Variants in TAFA1 observed in about 807,000 individuals in gnomAD.
TAFA1 encodes the protein chemokine-like protein TAFA-1.
A neutral mutation model predicts 18.5 loss-of-function variants in TAFA1; 4 were observed. The ratio of observed to expected loss-of-function variants is 0.22; its 90% CI spans 0.11 to 0.49. TAFA1 has a LOEUF of 0.49. TAFA1 is among the 20% of genes least tolerant of loss of function. The probability of loss-of-function intolerance (pLI) is 0.98; values close to 1 mark genes in which losing one functional copy is unlikely to be tolerated. For synonymous variants in TAFA1, 56 were observed against 55.2 expected, an observed-to-expected ratio of 1.01 and a Z score of -0.06; for missense variants, 147 against 169.0, an observed-to-expected ratio of 0.87 and a Z score of 0.72.
chr3:68,413,166 AAT>A (rs2070747502), intron 2 of TAFA1, among the ~76,000 whole-genome samples: 1 of 152,132 alleles, frequency 6.6e-6, no homozygotes. Context: ...TTGGCTACAT[AAT>A]TGTCTTCTTT....
At chr3:68,101,926 A>G (rs143344740) in intron 2 of TAFA1, among the ~76,000 whole-genome samples, 36 of 152,306 alleles carry the variant, frequency 2.4e-4, no homozygotes, top group African/African-American at 7.5e-4. Context: ...CTCAAAGTGG[A>G]TGGTTCCAGA....
intron 2 of TAFA1, among the ~76,000 whole-genome samples, chr3:68,345,047 A>G (rs78392898): frequency 6.6e-6 from 1 of 151,698 alleles, no homozygotes; most frequent in Non-Finnish European, 1.5e-5. Context: ...AAAAAAAAAA[A>G]TTCAAGGAAA....
At chr3:68,352,917 G>A (rs985061415) in intron 2 of TAFA1, among the ~76,000 whole-genome samples, 1 of 151,992 alleles carries the variant, frequency 6.6e-6, no homozygotes, top group East Asian at 1.9e-4. Context: ...CCTTCCCAGG[G>A]TATAGGGCTG....
At chr3:68,038,755 C>G (rs79293045) in intron 2 of TAFA1, among the ~76,000 whole-genome samples, 2,140 of 152,142 alleles carry the variant, frequency 0.014, 23 homozygotes, top group Non-Finnish European at 0.022. Context: ...TAAACAACAA[C>G]CCTAGTTTCT....
rs559403444 is a variant in TAFA1, at chr3:68,021,818, T to C, written c.118+15074T>C. On this transcript the variant is annotated intron_variant, in intron 2 of 4. Coordinates refer to ENST00000478136, the MANE Select transcript of TAFA1 (RefSeq NM_213609.4). The stretch of plus-strand genomic sequence containing the variant: ...TTAAAACCATGGTTTAAAGACATTA[T>C]AAGATGATGGTAAATTTGCAATTAG... 7.2e-5 allele frequency among the ~76,000 whole-genome samples: 11 copies of C among 152,274 alleles called. No individual in the cohort carries two copies. In the East Asian group the frequency reaches 2.1e-3, roughly 29 times the overall value.
intron 2 of TAFA1, among the ~76,000 whole-genome samples, chr3:68,407,830 A>C (rs545411620): frequency 1.1e-4 from 16 of 152,058 alleles, no homozygotes; most frequent in Non-Finnish European, 2.4e-4. Flanking sequence ...TACATACCCG[A>C]GGACGCTGGG....
chr3:68,417,799 G>A (rs746658764), intron 3 of TAFA1, among the ~76,000 whole-genome samples: 4 of 152,128 alleles, frequency 2.6e-5, no homozygotes, highest in Admixed American at 6.5e-5. Context: ...TGTACAGGAA[G>A]CATGGCTACG....
chr3:68,491,444 A>G (rs1295939062), intron 3 of TAFA1, among the ~76,000 whole-genome samples: 1 of 151,182 alleles, frequency 6.6e-6, no homozygotes, highest in Non-Finnish European at 1.5e-5. Context: ...CCAAGAACAA[A>G]AAACCAAACA....
intron 3 of TAFA1, among the ~76,000 whole-genome samples, chr3:68,501,893 T>C (rs2072664711): frequency 6.6e-6 from 1 of 152,150 alleles, no homozygotes; most frequent in Admixed American, 6.6e-5. Context: ...ACGTGTAGTG[T>C]GGACATGCAT....
intron 2 of TAFA1, among the ~76,000 whole-genome samples, chr3:68,235,660 A>G (rs1042402054): frequency 1.3e-5 from 2 of 152,100 alleles, no homozygotes; most frequent in Non-Finnish European, 2.9e-5. Context: ...AATGCTCTGT[A>G]GATCAAGTAT....
At chr3:68,084,846 T>C (rs1179586838) in intron 2 of TAFA1, among the ~76,000 whole-genome samples, 3 of 151,272 alleles carry the variant, frequency 2.0e-5, no homozygotes, top group Admixed American at 1.3e-4. Context: ...GTAGCCCCCA[T>C]ACTTCAGTGG....
chr3:68,306,453 G>T (rs768754528), intron 2 of TAFA1, among the ~76,000 whole-genome samples: 37 of 152,070 alleles, frequency 2.4e-4, no homozygotes, highest in Non-Finnish European at 1.0e-4. Context: ...TCTGAGTTTA[G>T]TTTTCACATA....
At chr3:68,144,956 A>T in intron 2 of TAFA1, 2 of 837,430 alleles carry the variant, frequency 2.4e-6, no homozygotes, top group South Asian at 1.4e-5. Flanking sequence ...TAAAATAATG[A>T]CTATAAAGTG....
At chr3:68,212,612 C>G (rs2066610414) in intron 2 of TAFA1, among the ~76,000 whole-genome samples, 1 of 152,010 alleles carries the variant, frequency 6.6e-6, no homozygotes, top group South Asian at 2.1e-4. Flanking sequence ...AGTGTGTATC[C>G]ATTCACCTTT....
intron 2 of TAFA1, among the ~76,000 whole-genome samples, chr3:68,383,645 G>T (rs1377843697): frequency 2.6e-5 from 4 of 151,940 alleles, no homozygotes; most frequent in East Asian, 1.9e-4. Context: ...AAGTTTTTTT[G>T]TTGTTGTTGT....
intron 2 of TAFA1, among the ~76,000 whole-genome samples, chr3:68,335,743 G>T (rs1193741155): frequency 1.3e-5 from 2 of 152,136 alleles, no homozygotes; most frequent in Admixed American, 6.5e-5. Flanking sequence ...GATAAATAAT[G>T]GATGATAGCA....
At chr3:68,262,974 T>A (rs780618700) in intron 2 of TAFA1, among the ~76,000 whole-genome samples, 2 of 152,240 alleles carry the variant, frequency 1.3e-5, no homozygotes, top group African/African-American at 2.4e-5. Flanking sequence ...CACTGCTTAT[T>A]TGAGTCATGG....
chr3:68,436,835 C>T (rs993898667), intron 3 of TAFA1, among the ~76,000 whole-genome samples: 1 of 152,140 alleles, frequency 6.6e-6, no homozygotes, highest in African/African-American at 2.4e-5. Flanking sequence ...AAGGCAGATG[C>T]CTTTCCTGGT....
At chr3:68,041,635 G>C (rs1321194190) in intron 2 of TAFA1, among the ~76,000 whole-genome samples, 1 of 152,182 alleles carries the variant, frequency 6.6e-6, no homozygotes. Flanking sequence ...TAGGCATTGT[G>C]CTAGGTGCTG....
Sources: allele counts gnomAD v4.1 joint callset (sites outside exome capture counted in the v4.1 genomes callset), GRCh38; gene constraint gnomAD v4.1.1; transcripts MANE v1.5; gene names NCBI Gene and HGNC (gene_info 2026-07-23, HGNC 2026-07-21).